HPSE2: variants seen among roughly 807,000 people sequenced by gnomAD.
The protein encoded by HPSE2 is heparanase 2 (inactive).
In HPSE2, 38 loss-of-function variants were observed where a neutral mutation model predicts 60.5. The observed-to-expected ratio is 0.63, with a 90% CI of 0.48 to 0.82. The LOEUF (loss-of-function observed/expected upper bound fraction) is 0.82, where lower values mean the gene tolerates loss of function less well. Among genes scored for constraint, HPSE2 ranks in the 40% least tolerant of loss-of-function variants. The pLI is 0.00. For synonymous variants in HPSE2, 295 were observed against 293.2 expected, an observed-to-expected ratio of 1.01 and a Z score of -0.06; for missense variants, 713 against 740.4, an observed-to-expected ratio of 0.96 and a Z score of 0.43.
At chr10:98,529,097 C>T (rs2133795489) in intron 9 of HPSE2, among the ~76,000 whole-genome samples, 1 of 152,364 alleles carries the variant, frequency 6.6e-6, no homozygotes, top group East Asian at 1.9e-4. Flanking sequence ...CACACACAAA[C>T]TCTTACTCAA....
At chr10:98,853,299 T>G (rs763430816) in intron 3 of HPSE2, among the ~76,000 whole-genome samples, 15 of 152,066 alleles carry the variant, frequency 9.9e-5, no homozygotes, top group Non-Finnish European at 2.1e-4. Context: ...TGCCATAAAG[T>G]CAAAGAAGGC....
chr10:99,097,495 C>T (rs1336090257), intron 3 of HPSE2, among the ~76,000 whole-genome samples: 1 of 152,120 alleles, frequency 6.6e-6, no homozygotes, highest in Non-Finnish European at 1.5e-5. Context: ...TCGCAGTAAA[C>T]TCTAGCATTC....
At chr10:99,268,645 CAAA>C in the HPSE2 span, among the ~76,000 whole-genome samples, 3 of 57,328 alleles carry the variant, frequency 5.2e-5, no homozygotes, top group Non-Finnish European at 3.8e-5. Flanking sequence ...GACTCTGTCT[CAAA>C]AAAAAAAAAA....
At chr10:98,625,533 G>A (rs1365364271) in intron 7 of HPSE2, among the ~76,000 whole-genome samples, 1 of 152,158 alleles carries the variant, frequency 6.6e-6, no homozygotes, top group East Asian at 1.9e-4. Flanking sequence ...ATTAAGAAAA[G>A]AAACAATCAT....
the HPSE2 span, among the ~76,000 whole-genome samples, chr10:99,249,413 G>T: frequency 6.6e-6 from 1 of 152,102 alleles, no homozygotes; most frequent in Non-Finnish European, 1.5e-5. Context: ...ATTTGCATAG[G>T]GCCTGCAGCC....
intron 6 of HPSE2, among the ~76,000 whole-genome samples, chr10:98,672,271 G>A (rs1348520455): frequency 6.6e-6 from 1 of 152,038 alleles, no homozygotes; most frequent in Non-Finnish European, 1.5e-5. Context: ...ACCAAAATAC[G>A]AGCAGAAAAC....
chr10:98,710,875 G>T (rs149279981), intron 5 of HPSE2, among the ~76,000 whole-genome samples: 2 of 152,188 alleles, frequency 1.3e-5, no homozygotes, highest in East Asian at 3.9e-4. Context: ...ATTGGCCTAA[G>T]ATTTTTTCTC....
intron 2 of HPSE2, among the ~76,000 whole-genome samples, chr10:99,159,838 G>C (rs11190000): frequency 6.6e-6 from 1 of 151,970 alleles, no homozygotes; most frequent in Non-Finnish European, 1.5e-5. Context: ...AAAAGTGTTC[G>C]CTCTTTAAAA....
intron 9 of HPSE2, among the ~76,000 whole-genome samples, chr10:98,559,542 C>T (rs1944111607): frequency 6.6e-6 from 1 of 152,138 alleles, no homozygotes; most frequent in South Asian, 2.1e-4. Context: ...CCTCACATGC[C>T]CCAAGTCCTT....
chr10:98,895,105 C>T (rs1452529834), intron 3 of HPSE2, among the ~76,000 whole-genome samples: 1 of 151,890 alleles, frequency 6.6e-6, no homozygotes, highest in Admixed American at 6.6e-5. Context: ...GTTTACCATA[C>T]CATACTCTCA....
chr10:98,554,905 T>G (rs1943961841), intron 9 of HPSE2, among the ~76,000 whole-genome samples: 2 of 152,208 alleles, frequency 1.3e-5, no homozygotes, highest in Non-Finnish European at 2.9e-5. Flanking sequence ...TGTACTTTAT[T>G]TGCTTAATAG....
intron 3 of HPSE2, among the ~76,000 whole-genome samples, chr10:98,883,276 G>A (rs1953076324): frequency 6.6e-6 from 1 of 152,074 alleles, no homozygotes; most frequent in South Asian, 2.1e-4. Flanking sequence ...ATACCTAGGT[G>A]ACCACAAGGC....
chr10:99,002,893 T>G (rs1193884926), intron 3 of HPSE2, among the ~76,000 whole-genome samples: 1 of 152,110 alleles, frequency 6.6e-6, no homozygotes, highest in Non-Finnish European at 1.5e-5. Context: ...TTTTTTGTGA[T>G]GAGAACACTT....
At chr10:99,261,314 C>A in the HPSE2 span, among the ~76,000 whole-genome samples, 2 of 152,100 alleles carry the variant, frequency 1.3e-5, no homozygotes, top group Non-Finnish European at 1.5e-5. Flanking sequence ...TGCTCCGCCA[C>A]CCTATAATCC....
chr10:98,694,169 C>A (rs763937277), intron 5 of HPSE2, among the ~76,000 whole-genome samples: 3 of 152,116 alleles, frequency 2.0e-5, no homozygotes, highest in Non-Finnish European at 4.4e-5. Context: ...CATCCCTCAC[C>A]ATCTGGAAAT....
intron 3 of HPSE2, among the ~76,000 whole-genome samples, chr10:98,998,494 G>A (rs1956700076): frequency 8.5e-5 from 13 of 152,160 alleles, no homozygotes; most frequent in Admixed American, 8.5e-4. Flanking sequence ...CTTGTAAGAA[G>A]GGCATCGACA....
intron 5 of HPSE2, among the ~76,000 whole-genome samples, chr10:98,716,526 C>T (rs1158643715): frequency 6.6e-6 from 1 of 152,004 alleles, no homozygotes; most frequent in Non-Finnish European, 1.5e-5. Flanking sequence ...ATAATGGCAT[C>T]TGGAATGGTG....
At chr10:99,299,266 A>G in the HPSE2 span, among the ~76,000 whole-genome samples, 1 of 152,140 alleles carries the variant, frequency 6.6e-6, no homozygotes. Flanking sequence ...CTGAGGAAGT[A>G]AGCCGGACCA....
At chr10:98,844,587 T>C (rs150686779) in intron 3 of HPSE2, among the ~76,000 whole-genome samples, 49 of 152,236 alleles carry the variant, frequency 3.2e-4, no homozygotes, top group African/African-American at 1.2e-3. Flanking sequence ...TTAGTAGTAA[T>C]CATAAATTTG....
Sources: gnomAD v4.1 joint callset for allele counts (sites outside exome capture counted in the v4.1 genomes callset) on GRCh38, gnomAD v4.1.1 for gene constraint, MANE v1.5 for transcripts, NCBI Gene and HGNC (gene_info 2026-07-23, HGNC 2026-07-21) for gene names.